The following IGF2 variants were observed in gnomAD, a reference collection of about 807,000 sequenced individuals.
IGF2 encodes insulin like growth factor 2.
Under a neutral mutation model 12.0 loss-of-function variants are expected in IGF2, and 2 were observed. That is an observed-to-expected ratio of 0.17 (90% CI 0.07 to 0.52). The LOEUF (loss-of-function observed/expected upper bound fraction) is 0.52. IGF2 is among the 20% of genes least tolerant of loss of function. IGF2 has a pLI of 0.95. For missense variants in IGF2, 211 were observed against 268.0 expected (o/e 0.79, Z 1.48); for synonymous variants, 105 against 110.1 (o/e 0.95, Z 0.29).
chr11:2,147,796 A>C, the IGF2 span: 2 of 1,247,618 alleles, frequency 1.6e-6, no homozygotes, highest in Non-Finnish European at 2.0e-6. The surrounding 1 kb of genome is among the most constrained non-coding windows in gnomAD (Gnocchi z 7.2). Context: ...CTCGGTGGTG[A>C]CTCTTCGGCC....
At chr11:2,149,374 G>A in the IGF2 span, 2 of 1,586,570 alleles carry the variant, frequency 1.3e-6, no homozygotes, top group Non-Finnish European at 1.7e-6. Flanking sequence ...CTTTTAGAGT[G>A]TGCATGTTAA....
chr11:2,132,701 G>C lies in IGF2; in HGVS notation c.*286C>G. ...TTAGTTTAATGTTTTGATTTTTTAT[G>C]TGTGGGGATAATTGGGGATAATTTG... On this transcript the variant is annotated 3_prime_UTR_variant, in exon 4 of 4. Coordinates refer to ENST00000416167, the MANE Select transcript of IGF2 (RefSeq NM_000612.6). 1 of 294,992 alleles carries C rather than the reference G, an allele frequency of 3.4e-6. No individual in the cohort carries two copies. Among genetic ancestry groups the C allele is most frequent in the Non-Finnish European group, 6.1e-6 (1 of 164,302 alleles). The allele number at this position is 294,992 out of a possible 1,614,324, so 18.3% of individuals were successfully genotyped here. A position where few individuals can be genotyped will look rare whatever the true frequency, so the allele number is the denominator to read the frequency against.
the IGF2 span, chr11:2,147,196 C>G: frequency 6.0e-6 from 1 of 167,764 alleles, no homozygotes; most frequent in Admixed American, 6.4e-5. This position sits in a 1 kb window ranked among gnomAD's most constrained non-coding sequence, Gnocchi z 7.2. Flanking sequence ...TTTTTAGGTT[C>G]TTCCCCAATG....
upstream of IGF2, among the ~76,000 whole-genome samples, chr11:2,145,449 G>T (rs1859861981): frequency 6.6e-6 from 1 of 152,230 alleles, no homozygotes; most frequent in Non-Finnish European, 1.5e-5. Context: ...TTCCCAGGCT[G>T]GGGACAGGTT....
In IGF2 at chr11:2,138,897, AC is replaced by A; in HGVS notation, c.-676del. 1 of 984,462 alleles carries A rather than the reference AC, an allele frequency of 1.0e-6. No individual in the cohort carries two copies. Among genetic ancestry groups the A allele is most frequent in the Non-Finnish European group, 1.2e-6 (1 of 829,538 alleles). 61.0% of individuals were successfully genotyped at this position (984,462 alleles called of 1,614,324 possible). On this transcript the variant is annotated 5_prime_UTR_variant, in exon 1 of 4. Transcript: ENST00000416167. ...GGGGCGGAGTGGAGGCTGCACCCGG[AC>A]CGCGGGCGCCCAGCTCGGTTTGGGC...
At chr11:2,147,571 T>G in the IGF2 span, 3 of 1,208,600 alleles carry the variant, frequency 2.5e-6, no homozygotes, top group East Asian at 3.2e-5. The surrounding 1 kb of genome is among the most constrained non-coding windows in gnomAD (Gnocchi z 7.2). Context: ...CTCACCTCTC[T>G]GCCTCGCAGT....
the IGF2 span, chr11:2,147,813 G>A: frequency 1.6e-6 from 2 of 1,246,326 alleles, no homozygotes; most frequent in Non-Finnish European, 2.0e-6. The surrounding 1 kb of genome is among the most constrained non-coding windows in gnomAD (Gnocchi z 7.2). Context: ...GGCCCCTGGG[G>A]AAAAACAAAA....
In IGF2 at chr11:2,130,322, A is replaced by G. The variant is rs1022162911; in HGVS notation, c.*2665T>C. 4.9e-5 allele frequency: 11 copies of G among 222,922 alleles called. No individual in the cohort carries two copies. The highest frequency in any genetic ancestry group is 1.9e-4 in the South Asian group (1 of 5,390). 13.8% of individuals were successfully genotyped at this position (222,922 alleles called of 1,614,324 possible). A position where few individuals can be genotyped will look rare whatever the true frequency, so the allele number is the denominator to read the frequency against. ...ACTGTCCCCAGAAGCCAGGCCGGAC[A>G]GTGGCCTTCTCCACTCCCCTCTGAC... On this transcript the variant is annotated 3_prime_UTR_variant, in exon 4 of 4. Coordinates refer to ENST00000416167, the MANE Select transcript of IGF2 (RefSeq NM_000612.6).
In IGF2 at chr11:2,138,515, G is replaced by T; in HGVS notation, c.-293C>A. 1.2e-6 allele frequency: 1 copy of T among 838,444 alleles called. No homozygotes were observed. The highest frequency in any genetic ancestry group is 1.4e-6 in the Non-Finnish European group (1 of 708,026). 51.9% of individuals were successfully genotyped at this position (838,444 alleles called of 1,614,324 possible). A position where few individuals can be genotyped will look rare whatever the true frequency, so the allele number is the denominator to read the frequency against. On this transcript the variant is annotated 5_prime_UTR_variant, in exon 1 of 4. Coordinates refer to ENST00000416167, the MANE Select transcript of IGF2 (RefSeq NM_000612.6). Reference sequence around the variant, plus strand: ...GAAATGAGGTCAGCTGTTGTATCAAGGATAGAGGGGGGCAGAGATAGTGGG... The same window carrying T: ...GAAATGAGGTCAGCTGTTGTATCAATGATAGAGGGGGGCAGAGATAGTGGG...
At chr11:2,147,686 G>C in the IGF2 span, 1 of 1,250,592 alleles carries the variant, frequency 8.0e-7, no homozygotes, top group Non-Finnish European at 1.0e-6. The surrounding 1 kb of genome is among the most constrained non-coding windows in gnomAD (Gnocchi z 7.2). Flanking sequence ...TCTCTGGCCT[G>C]CTGGGGCTCA....
At chr11:2,137,581 C>G (rs1347364735) in intron 1 of IGF2, among the ~76,000 whole-genome samples, 2 of 151,976 alleles carry the variant, frequency 1.3e-5, no homozygotes, top group East Asian at 3.9e-4. Context: ...CCACGCTGCC[C>G]ACTGGGCAGG....
In IGF2 at chr11:2,138,394, G is replaced by A. The variant is rs1440512736; in HGVS notation, c.-172C>T. On this transcript the variant is annotated 5_prime_UTR_variant, in exon 1 of 4. Coordinates refer to ENST00000416167, the MANE Select transcript of IGF2 (RefSeq NM_000612.6). ...CGGGGGGATGGCTTTTTTTTGGGGG[G>A]GGGGGGAGAATTCGTCTGATTGTCC... 19 of 528,734 alleles carry A rather than the reference G, an allele frequency of 3.6e-5. 2 individuals carry two copies. Among genetic ancestry groups the A allele is most frequent in the Non-Finnish European group, 4.6e-5 (19 of 415,942 alleles). The allele number at this position is 528,734 out of a possible 1,614,324, so 32.8% of individuals were successfully genotyped here. A position where few individuals can be genotyped will look rare whatever the true frequency, so the allele number is the denominator to read the frequency against.
chr11:2,130,068 G>A lies in IGF2; in HGVS notation c.*2919C>T, dbSNP rs1023205265. ...GAGACAAGGCAGGGTGCTGAGGGGC[G>A]GGCAAGATGTCACCGAGGGAGAGGG... On this transcript the variant is annotated 3_prime_UTR_variant, in exon 4 of 4. Coordinates refer to ENST00000416167, the MANE Select transcript of IGF2 (RefSeq NM_000612.6). The A allele has an allele frequency of 3.9e-5, 9 of 230,020 alleles. No homozygotes were observed. The highest frequency in any genetic ancestry group is 1.3e-3 in the Middle Eastern group (1 of 772). The allele number at this position is 230,020 out of a possible 1,614,324, so 14.2% of individuals were successfully genotyped here.
intron 1 of IGF2, among the ~76,000 whole-genome samples, chr11:2,138,021 C>T (rs1859206553): frequency 6.6e-6 from 1 of 152,120 alleles, no homozygotes; most frequent in African/African-American, 2.4e-5. Context: ...CCAGCTCCGC[C>T]GCCAGGGTGA....
intron 2 of IGF2, among the ~76,000 whole-genome samples, chr11:2,134,605 T>C (rs1858859875): frequency 6.6e-6 from 1 of 152,122 alleles, no homozygotes; most frequent in African/African-American, 2.4e-5. Context: ...ACGTGGTGAG[T>C]GTCAGGTGGA....
the IGF2 span, chr11:2,146,744 C>T: frequency 1.4e-4 from 38 of 272,596 alleles, 1 homozygote; most frequent in South Asian, 1.2e-3. Flanking sequence ...TCCCTGCAGG[C>T]CCTGTCGTGG....
upstream of IGF2, chr11:2,140,040 G>A (rs1859451005): frequency 7.8e-7 from 1 of 1,281,954 alleles, no homozygotes; most frequent in Non-Finnish European, 1.1e-6. Flanking sequence ...AAGGCCGGCT[G>A]CGCCGGGCCG....
upstream of IGF2, among the ~76,000 whole-genome samples, chr11:2,142,364 G>T (rs1315045976): frequency 6.6e-6 from 1 of 152,108 alleles, no homozygotes; most frequent in Non-Finnish European, 1.5e-5. This position sits in a 1 kb window ranked among gnomAD's most constrained non-coding sequence, Gnocchi z 5.7. Flanking sequence ...GGACTTGGGG[G>T]TCCATATGTA....
chr11:2,139,580 G>GA (rs1192643719), upstream of IGF2, among the ~76,000 whole-genome samples: 2 of 147,636 alleles, frequency 1.4e-5, no homozygotes, highest in African/African-American at 2.5e-5. Context: ...GGGCCCCGGG[G>GA]GGGGGGCGGC....
Sources: allele counts gnomAD v4.1 joint callset (sites outside exome capture counted in the v4.1 genomes callset), GRCh38; gene constraint gnomAD v4.1.1; non-coding constraint Gnocchi (gnomAD v3.1); transcripts MANE v1.5; gene names NCBI Gene and HGNC (gene_info 2026-07-23, HGNC 2026-07-21).